The following LINGO2 variants were observed in gnomAD, a reference collection of about 807,000 sequenced individuals.
The protein encoded by LINGO2 is leucine-rich repeat and immunoglobulin-like domain-containing nogo receptor-interacting protein 2.
LINGO2 carries 14 observed loss-of-function variants against 30.6 expected under a neutral mutation model. That is an observed-to-expected ratio of 0.46 (90% CI 0.30 to 0.72). LINGO2 has a LOEUF of 0.72. LINGO2 is among the 30% of genes least tolerant of loss of function. The probability of loss-of-function intolerance (pLI) is 0.07; values close to 1 mark genes in which losing one functional copy is unlikely to be tolerated. For synonymous variants in LINGO2, 317 were observed against 288.5 expected (o/e 1.10, Z -1.00); for missense variants, 729 against 751.7 (o/e 0.97, Z 0.35).
At chr9:27,952,178 T>A (rs969921176) in intron 5 of LINGO2, among the ~76,000 whole-genome samples, 16 of 152,088 alleles carry the variant, frequency 1.1e-4, no homozygotes, top group Admixed American at 3.3e-4. Context: ...AAATGTAATT[T>A]AAAAAAAATT....
chr9:28,993,392 A>G, the LINGO2 span, among the ~76,000 whole-genome samples: 14 of 152,210 alleles, frequency 9.2e-5, no homozygotes, highest in African/African-American at 3.1e-4. Flanking sequence ...CCATCCAAAA[A>G]GAGTCCAGGA....
chr9:28,821,246 ACT>A, the LINGO2 span, among the ~76,000 whole-genome samples: 2 of 152,084 alleles, frequency 1.3e-5, no homozygotes, highest in African/African-American at 4.8e-5. Context: ...TTCTTGTTAG[ACT>A]CTGATAGAAT....
At chr9:28,706,913 C>G in the LINGO2 span, among the ~76,000 whole-genome samples, 1 of 151,988 alleles carries the variant, frequency 6.6e-6, no homozygotes, top group Admixed American at 6.6e-5. Flanking sequence ...AACACTTTCT[C>G]GACACCCCAA....
intron 4 of LINGO2, among the ~76,000 whole-genome samples, chr9:28,173,263 TC>T (rs1828653000): frequency 6.6e-6 from 1 of 152,200 alleles, no homozygotes; most frequent in South Asian, 2.1e-4. Context: ...TTCATTTTCC[TC>T]ATATTCTTCA....
chr9:28,653,205 G>T (rs1340599627), intron 1 of LINGO2, among the ~76,000 whole-genome samples: 2 of 152,148 alleles, frequency 1.3e-5, no homozygotes, highest in East Asian at 3.8e-4. Flanking sequence ...TATTGCCCAT[G>T]TGGACACCTC....
At chr9:29,117,379 AT>A in the LINGO2 span, among the ~76,000 whole-genome samples, 1 of 152,184 alleles carries the variant, frequency 6.6e-6, no homozygotes, top group East Asian at 1.9e-4. Flanking sequence ...ACCATAGTCA[AT>A]TTTATATTAT....
intron 5 of LINGO2, among the ~76,000 whole-genome samples, chr9:28,001,075 A>G (rs1821926553): frequency 6.6e-6 from 1 of 152,260 alleles, no homozygotes; most frequent in Non-Finnish European, 1.5e-5. Context: ...TATAATCACC[A>G]TCAATGTGTT....
intron 4 of LINGO2, among the ~76,000 whole-genome samples, chr9:28,018,430 G>T (rs762985566): frequency 9.2e-5 from 14 of 152,080 alleles, no homozygotes; most frequent in Non-Finnish European, 1.8e-4. Flanking sequence ...TATAGAATCA[G>T]AGAAAATATT....
At chr9:28,989,287 A>C in the LINGO2 span, among the ~76,000 whole-genome samples, 7 of 152,212 alleles carry the variant, frequency 4.6e-5, no homozygotes, top group African/African-American at 1.7e-4. Context: ...CTGTGTCAAT[A>C]TTAGCATTGC....
chr9:28,724,033 T>C, the LINGO2 span, among the ~76,000 whole-genome samples: 1 of 152,126 alleles, frequency 6.6e-6, no homozygotes, highest in Admixed American at 6.6e-5. Context: ...ATGTACACAA[T>C]AATACAAACA....
chr9:28,491,546 T>C (rs1438959760), intron 1 of LINGO2, among the ~76,000 whole-genome samples: 1 of 152,226 alleles, frequency 6.6e-6, no homozygotes, highest in Non-Finnish European at 1.5e-5. Context: ...GTAAGTATTC[T>C]TTTTATTATC....
the LINGO2 span, among the ~76,000 whole-genome samples, chr9:29,175,886 ACTTT>A: frequency 6.6e-6 from 1 of 152,088 alleles, no homozygotes; most frequent in East Asian, 1.9e-4. Context: ...ACAGCATGCC[ACTTT>A]CTTTCTTTTT....
chr9:29,119,038 A>G, the LINGO2 span, among the ~76,000 whole-genome samples: 2 of 152,144 alleles, frequency 1.3e-5, no homozygotes, highest in East Asian at 1.9e-4. Flanking sequence ...TAACAGAGAT[A>G]CCATCCTCAG....
intron 4 of LINGO2, among the ~76,000 whole-genome samples, chr9:28,217,632 A>G (rs1032236917): frequency 6.6e-6 from 1 of 151,876 alleles, no homozygotes; most frequent in African/African-American, 2.4e-5. Flanking sequence ...TTATTTTCCC[A>G]TAGTTTATAT....
intron 4 of LINGO2, among the ~76,000 whole-genome samples, chr9:28,172,034 C>CCAAA (rs755832153): frequency 1.0e-5 from 1 of 98,744 alleles, no homozygotes; most frequent in Non-Finnish European, 1.9e-5. Context: ...AAAAAAAAAA[C>CCAAA]AAAAAAAAAA....
chr9:28,222,670 T>C (rs1321078946), intron 4 of LINGO2, among the ~76,000 whole-genome samples: 8 of 152,220 alleles, frequency 5.3e-5, no homozygotes, highest in Non-Finnish European at 1.2e-4. Flanking sequence ...TTAATAACTA[T>C]TTGGATGATT....
intron 5 of LINGO2, among the ~76,000 whole-genome samples, chr9:27,990,526 G>A (rs549231781): frequency 6.8e-6 from 1 of 146,922 alleles, no homozygotes; most frequent in South Asian, 2.2e-4. Context: ...CCAGCCAATG[G>A]AATATAATAT....
the LINGO2 span, among the ~76,000 whole-genome samples, chr9:28,948,540 T>A: frequency 1.4e-4 from 22 of 152,202 alleles, no homozygotes; most frequent in East Asian, 1.2e-3. Context: ...GATACATATA[T>A]GCACATGCAC....
At chr9:28,929,631 A>G in the LINGO2 span, among the ~76,000 whole-genome samples, 1 of 152,202 alleles carries the variant, frequency 6.6e-6, no homozygotes, top group Non-Finnish European at 1.5e-5. Flanking sequence ...CAATATCGGC[A>G]TGGACAACTT....
Sources: gnomAD v4.1 joint callset for allele counts (sites outside exome capture counted in the v4.1 genomes callset) on GRCh38, gnomAD v4.1.1 for gene constraint, MANE v1.5 for transcripts, NCBI Gene and HGNC (gene_info 2026-07-23, HGNC 2026-07-21) for gene names.